Variants in KIFC3 observed in about 807,000 individuals in gnomAD.
KIFC3 encodes the protein kinesin-like protein KIFC3.
KIFC3 carries 60 observed loss-of-function variants against 101.8 expected under a neutral mutation model. That is an observed-to-expected ratio of 0.59 (90% CI 0.48 to 0.73). The LOEUF (loss-of-function observed/expected upper bound fraction) is 0.73. Ranked by LOEUF, KIFC3 falls within the 30% of genes least tolerant of loss-of-function variation. The pLI, the probability that KIFC3 is intolerant of heterozygous loss-of-function variation, is 0.00. For synonymous variants in KIFC3, 476 were observed against 482.7 expected, an observed-to-expected ratio of 0.99 and a Z score of 0.18; for missense variants, 966 against 1,137.1, an observed-to-expected ratio of 0.85 and a Z score of 2.16.
At chr16:57,815,556 C>A in intron 1 of KIFC3, 2 of 1,289,364 alleles carry the variant, frequency 1.6e-6, no homozygotes, top group Admixed American at 2.3e-5. Context: ...CCAAGACCAA[C>A]ACTGATGCCT....
chr16:57,838,772 G>T (rs1441810840), intron 1 of KIFC3, among the ~76,000 whole-genome samples: 2 of 152,056 alleles, frequency 1.3e-5, no homozygotes, highest in Admixed American at 1.3e-4. Flanking sequence ...TGTCATCTTT[G>T]CTTCCTGAAC....
chr16:57,784,696 T>C (rs2053128518), intron 3 of KIFC3, among the ~76,000 whole-genome samples: 1 of 151,988 alleles, frequency 6.6e-6, no homozygotes, highest in Non-Finnish European at 1.5e-5. Flanking sequence ...CAGACAGGCT[T>C]GGAGACCTTG....
At chr16:57,788,494 G>A in intron 3 of KIFC3, 1 of 1,187,786 alleles carries the variant, frequency 8.4e-7, no homozygotes, top group South Asian at 1.4e-5. Context: ...AGGGCATGGG[G>A]ATATCACCAA....
At chr16:57,792,282 G>C (rs1443301732) in intron 3 of KIFC3, among the ~76,000 whole-genome samples, 3 of 152,298 alleles carry the variant, frequency 2.0e-5, no homozygotes, top group African/African-American at 7.2e-5. Flanking sequence ...CTGCCTTCTT[G>C]GCCCCTGCCT....
intron 1 of KIFC3, among the ~76,000 whole-genome samples, chr16:57,862,229 T>C (rs1959334617): frequency 6.7e-6 from 1 of 148,922 alleles, no homozygotes; most frequent in Non-Finnish European, 1.5e-5. Flanking sequence ...ACAGGGTCTT[T>C]CCCAGGCTGG....
chr16:57,802,748 C>T (rs368673170), upstream of KIFC3: 1 of 743,612 alleles, frequency 1.3e-6, no homozygotes, highest in African/African-American at 1.7e-5. The surrounding 1 kb of genome is among the most constrained non-coding windows in gnomAD (Gnocchi z 5.0). Context: ...CTCATGCGTT[C>T]CCTGAAGGCT....
chr16:57,814,914 G>T (rs959801128), intron 1 of KIFC3, among the ~76,000 whole-genome samples: 43 of 137,138 alleles, frequency 3.1e-4, no homozygotes, highest in African/African-American at 1.2e-3. Context: ...GAGCCACCAT[G>T]CCTGGCCTAT....
chr16:57,859,089 A>G (rs187878931), intron 1 of KIFC3, among the ~76,000 whole-genome samples: 29 of 152,364 alleles, frequency 1.9e-4, no homozygotes, highest in Middle Eastern at 3.4e-3. Flanking sequence ...GCAAACAGAC[A>G]CTTTTACTTT....
intron 3 of KIFC3, chr16:57,785,586 C>T (rs2149115263): frequency 1.6e-6 from 2 of 1,287,266 alleles, no homozygotes; most frequent in Non-Finnish European, 2.0e-6. Flanking sequence ...GACATGGCCT[C>T]CACCATCCTA....
chr16:57,861,676 G>A (rs559788531), intron 1 of KIFC3, among the ~76,000 whole-genome samples: 2 of 152,264 alleles, frequency 1.3e-5, no homozygotes, highest in African/African-American at 4.8e-5. Context: ...ATCTTTCCTA[G>A]GCCAGGCGCG....
At chr16:57,828,863 G>A (rs1461514177) in intron 1 of KIFC3, among the ~76,000 whole-genome samples, 2 of 151,300 alleles carry the variant, frequency 1.3e-5, no homozygotes, top group Non-Finnish European at 2.9e-5. Context: ...TTTACTGATT[G>A]AGCCCTAACT....
chr16:57,791,235 G>C (rs1280846665), intron 3 of KIFC3, among the ~76,000 whole-genome samples: 5 of 152,168 alleles, frequency 3.3e-5, no homozygotes, highest in Non-Finnish European at 5.9e-5. Flanking sequence ...GTCTCAAAAA[G>C]AAAATAGAAA....
chr16:57,768,371 T>C (rs1157090217), intron 9 of KIFC3, among the ~76,000 whole-genome samples: 3 of 152,052 alleles, frequency 2.0e-5, no homozygotes, highest in African/African-American at 7.2e-5. Flanking sequence ...GCTGTGTAAA[T>C]AGTTGTTATA....
upstream of KIFC3, chr16:57,803,446 G>T (rs940385154): frequency 7.3e-5 from 35 of 478,346 alleles, no homozygotes; most frequent in African/African-American, 6.3e-4. Flanking sequence ...GCAGGCTGAC[G>T]GTTCTGCAGA....
intron 1 of KIFC3, among the ~76,000 whole-genome samples, chr16:57,853,523 A>G (rs1329881799): frequency 6.6e-6 from 1 of 152,218 alleles, no homozygotes; most frequent in Non-Finnish European, 1.5e-5. Flanking sequence ...ACAGAAAACA[A>G]TTCATTGGTG....
At chr16:57,825,529 C>T (rs572730704) in intron 1 of KIFC3, among the ~76,000 whole-genome samples, 1 of 152,316 alleles carries the variant, frequency 6.6e-6, no homozygotes, top group East Asian at 1.9e-4. Flanking sequence ...TGACCTTGGC[C>T]ACCTTCCTAA....
At position 57,769,288 on chromosome 16, in the gene KIFC3, G is replaced by C. The variant is rs1416987448; in HGVS notation, c.1218+307C>G. On this transcript the variant is annotated intron_variant, in intron 9 of 19. Transcript: ENST00000445690. This position sits in a 1 kb window ranked among gnomAD's most constrained non-coding sequence, Gnocchi z 4.3. ...TGACCTCAAGTGATCCGCCTGCCTC[G>C]GCCTCCCAAAGTGTTGGAATTACAG... Among the ~76,000 whole-genome samples, 1 of 152,112 alleles carries C rather than the reference G, an allele frequency of 6.6e-6. No individual in the cohort carries two copies. The highest frequency in any genetic ancestry group is 1.5e-5 in the Non-Finnish European group (1 of 68,026).
intron 1 of KIFC3, among the ~76,000 whole-genome samples, chr16:57,861,823 C>T (rs1008786987): frequency 1.3e-5 from 2 of 152,130 alleles, no homozygotes; most frequent in African/African-American, 4.8e-5. Flanking sequence ...ATGGTGTGCA[C>T]CTGTAATCCC....
At position 57,760,877 on chromosome 16, in the gene KIFC3, G is replaced by A. The variant is rs141720217; in HGVS notation, c.2081C>T (p.Ala694Val). The change falls in exon 16 of 20, where the codon GCG becomes GTG. Residue 694 changes from alanine (A) to valine (V), a missense_variant. Ala to Val is a moderately conservative substitution (Grantham distance 64). This residue lies in a region of KIFC3 where 689 missense variants were observed against 884.6 expected (regional missense o/e 0.78). Transcript: ENST00000445690. Reference protein sequence around the residue: ...SGAEGSRLREAQHINKSLSAL... With the variant: ...SGAEGSRLREVQHINKSLSAL... ...CGACAGCGACTTGTTGATGTGCTGCGCCTCCCGCAGGCGGCTGCCCTCGGC... is the reference window on the plus strand; with the variant it reads ...CGACAGCGACTTGTTGATGTGCTGCACCTCCCGCAGGCGGCTGCCCTCGGC... 6 of 1,611,658 alleles carry A rather than the reference G, an allele frequency of 3.7e-6. No individual in the cohort carries two copies. The highest frequency in any genetic ancestry group is 5.1e-6 in the Non-Finnish European group (6 of 1,179,864).
Sources: gnomAD v4.1 joint callset for allele counts (sites outside exome capture counted in the v4.1 genomes callset) on GRCh38, gnomAD v4.1.1 for gene constraint, gnomAD v4.1.1 regional missense constraint, Gnocchi (gnomAD v3.1) non-coding constraint, MANE v1.5 for transcripts, NCBI Gene and HGNC (gene_info 2026-07-23, HGNC 2026-07-21) for gene names.